Variants in TERB1 observed in about 807,000 individuals in gnomAD.
The protein encoded by TERB1 is telomere repeat binding bouquet formation protein 1, also known as telomere repeats-binding bouquet formation protein 1.
TERB1 carries 63 observed loss-of-function variants against 92.3 expected under a neutral mutation model. The ratio of observed to expected loss-of-function variants is 0.68; its 90% CI spans 0.56 to 0.84. The LOEUF is 0.84. Among genes scored for constraint, TERB1 ranks in the 40% least tolerant of loss-of-function variants. TERB1 has a pLI of 0.00. For synonymous variants in TERB1, 252 were observed against 283.9 expected (o/e 0.89, Z 1.13); for missense variants, 709 against 843.7 (o/e 0.84, Z 1.98).
rs2018591931 is a variant in TERB1 at position 66,778,918 on chromosome 16, A to C, written c.798T>G (p.Ser266Arg). The C allele has an allele frequency of 2.0e-6, 3 of 1,534,760 alleles. No homozygotes were observed. Among genetic ancestry groups the C allele is most frequent in the East Asian group, 2.5e-5 (1 of 40,408 alleles). ...TCGTCACAACCACTGCAAGTTTAGC[A>C]CTGGAAAGAGTCTCATGTGAATCAG... ...LESDSHETLS[S>R]AKLAVVVTKT... Residue 266 changes from serine to arginine, a missense_variant, in exon 10 of 19, where the codon AGT (serine) becomes AGG (arginine). Coordinates refer to ENST00000433154, the MANE Select transcript of TERB1 (RefSeq NM_001136505.2).
chr16:66,761,451 CAA>C (rs376145995), intron 16 of TERB1, among the ~76,000 whole-genome samples: 30 of 107,150 alleles, frequency 2.8e-4, no homozygotes, highest in African/African-American at 1.1e-3. Context: ...GACTCTGTCT[CAA>C]AAAAAAAAAA....
intron 9 of TERB1, among the ~76,000 whole-genome samples, chr16:66,780,445 C>T (rs1002658308): frequency 1.4e-4 from 22 of 151,782 alleles, no homozygotes; most frequent in Non-Finnish European, 1.6e-4. Flanking sequence ...TGGTGTGTGC[C>T]TGTAGTCCCA....
intron 13 of TERB1, 85 bp from the exon 14 acceptor site, chr16:66,770,394 G>T: frequency 1.1e-6 from 1 of 936,482 alleles, no homozygotes; most frequent in Non-Finnish European, 1.6e-6. Context: ...AATGAAGAAT[G>T]AAGAAAAAGT....
At chr16:66,788,603 A>AG (rs1374598131) in intron 5 of TERB1, among the ~76,000 whole-genome samples, 1 of 151,906 alleles carries the variant, frequency 6.6e-6, no homozygotes, top group Non-Finnish European at 1.5e-5. Context: ...AAAAAAAAAA[A>AG]CACTTTAAAG....
rs1200261665 is a variant in TERB1 at position 66,788,200 on chromosome 16, A to C, written c.369T>G (p.Val123=). 33 of 1,501,252 alleles carry C rather than the reference A, an allele frequency of 2.2e-5. No individual in the cohort carries two copies. Among genetic ancestry groups the C allele is most frequent in the Non-Finnish European group, 2.9e-5 (32 of 1,122,614 alleles). The allele number at this position is 1,501,252 out of a possible 1,614,324, so 93.0% of individuals were successfully genotyped here. Residue 123 remains valine, a synonymous_variant, in exon 6 of 19, where the codon GTT becomes GTG. Coordinates refer to ENST00000433154, the MANE Select transcript of TERB1 (RefSeq NM_001136505.2). ...TTGAAACCAGAACCAAAATAACATA[A>C]ACAGACATTCTTTTCAAATTTATGT... is the stretch of plus-strand genomic sequence containing the variant. ...DSNINLKRMS[V]YVILVLVSNN...
intron 12 of TERB1, among the ~76,000 whole-genome samples, chr16:66,774,156 C>T (rs2018501547): frequency 6.9e-6 from 1 of 145,072 alleles, no homozygotes; most frequent in African/African-American, 2.6e-5. Context: ...GCTGGGATTA[C>T]AGGCGTGAGC....
chr16:66,801,886 C>G (rs976840836), upstream of TERB1, among the ~76,000 whole-genome samples: 1 of 152,228 alleles, frequency 6.6e-6, no homozygotes, highest in Non-Finnish European at 1.5e-5. Flanking sequence ...CACAGGACGG[C>G]GAAGCCCCAA....
At position 66,755,098 on chromosome 16, in the gene TERB1, T is replaced by C. The variant is rs922840334; in HGVS notation, c.2062A>G (p.Lys688Glu). ...ATTGAATTCCAGTGATTTCCCATTT[T>C]CTTAACTCCATTGAAAAGGTAATTT... ...EVNYLFNGVK[K>E]MGNHWNSILW... Residue 688 changes from lysine (K) to glutamate (E), a missense_variant, in exon 19 of 19, where the codon AAA (lysine) becomes GAA (glutamate). Physicochemically the swap from Lys to Glu is moderately conservative, Grantham distance 56. Coordinates refer to ENST00000433154, the MANE Select transcript of TERB1 (RefSeq NM_001136505.2). 3.9e-6 allele frequency: 6 copies of C among 1,551,228 alleles called. No homozygotes were observed. The Admixed American group carries it at 5.9e-5, about 15-fold the overall frequency.
At chr16:66,789,856 CACACTA>C (rs1482769948) in intron 5 of TERB1, among the ~76,000 whole-genome samples, 19 of 151,770 alleles carry the variant, frequency 1.3e-4, no homozygotes, top group African/African-American at 4.1e-4. Context: ...ACCACAGGTG[CACACTA>C]CCATGCCTGG....
chr16:66,755,076 G>C lies in TERB1; in HGVS notation c.2084C>G (p.Ser695Ter), dbSNP rs1397771142. 1.3e-6 allele frequency: 2 copies of C among 1,551,326 alleles called. No individual in the cohort carries two copies. The highest frequency in any genetic ancestry group is 2.0e-5 in the Admixed American group (1 of 50,982). Residue 695 changes from serine to a stop codon, truncating the protein, a stop_gained, in exon 19 of 19, where the codon TCA becomes TGA. Transcript: ENST00000433154. LOFTEE classifies it high-confidence loss of function. ...CTGAAAGGGGAAAGACCACAAAATT[G>C]AATTCCAGTGATTTCCCATTTTCTT... ...GVKKMGNHWN[S>*]ILWSFPFQQG...
rs1655088061 is a variant in TERB1, at chr16:66,778,955, A to G, written c.761T>C (p.Met254Thr). The G allele has an allele frequency of 2.0e-6, 3 of 1,536,528 alleles. No homozygotes were observed. The highest frequency in any genetic ancestry group is 1.8e-6 in the Non-Finnish European group (2 of 1,134,854). ...GGLDVLSQVL[M>T]QLESDSHETL... ...CTCATGTGAATCAGATTCCAGCTGC[A>G]TGAGAACTTGAGACAATACATCCAG... Residue 254 changes from methionine to threonine, a missense_variant, in exon 10 of 19, where the codon ATG becomes ACG. Transcript: ENST00000433154.
chr16:66,774,074 G>A (rs2018499187), intron 12 of TERB1, among the ~76,000 whole-genome samples: 1 of 150,660 alleles, frequency 6.6e-6, no homozygotes, highest in Non-Finnish European at 1.5e-5. Context: ...GTACAGACAG[G>A]GTTTCACCAT....
At chr16:66,780,964 T>A (rs1181155200) in intron 9 of TERB1, among the ~76,000 whole-genome samples, 2 of 111,296 alleles carry the variant, frequency 1.8e-5, no homozygotes, top group Non-Finnish European at 3.6e-5. Context: ...ATATTTAACA[T>A]GACCACTTTT....
Position 66,786,111 on chromosome 16 carries a change from A to G in TERB1, c.480T>C (p.His160=). The change falls in exon 8 of 19, where the codon CAT becomes CAC. Residue 160 remains histidine (H), a synonymous_variant. Coordinates refer to ENST00000433154, the MANE Select transcript of TERB1 (RefSeq NM_001136505.2). ...SRLFRTVISK[H]ELDLSDKNVF... ...CATTTTTATCTGACAAATCCAACTC[A>G]TGTTTTGAAATAACTGTCCTATTAG... The G allele has an allele frequency of 6.5e-7, 1 of 1,549,998 alleles. No individual in the cohort carries two copies. The highest frequency in any genetic ancestry group is 8.7e-7 in the Non-Finnish European group (1 of 1,145,594).
chr16:66,785,120 C>T (rs925330388), intron 9 of TERB1, among the ~76,000 whole-genome samples: 2 of 149,894 alleles, frequency 1.3e-5, no homozygotes, highest in African/African-American at 4.9e-5. Context: ...CCTGGGCTCA[C>T]GCGATTCTCC....
intron 6 of TERB1, 92 bp downstream of exon 6, chr16:66,788,077 C>T (rs1484383238): frequency 9.3e-7 from 1 of 1,077,228 alleles, no homozygotes; most frequent in African/African-American, 1.7e-5. Context: ...CACAAAAAAA[C>T]AAAACTGATA....
chr16:66,758,726 G>C, intron 18 of TERB1, 47 bp downstream of exon 18: 1 of 1,199,544 alleles, frequency 8.3e-7, no homozygotes, highest in Non-Finnish European at 1.2e-6. Context: ...GGGTAACAGA[G>C]CCAGACCCTG....
intron 16 of TERB1, among the ~76,000 whole-genome samples, chr16:66,761,945 C>T (rs1022797579): frequency 1.3e-5 from 2 of 151,860 alleles, no homozygotes; most frequent in South Asian, 2.1e-4. Context: ...CCCAGCTACT[C>T]GGGAGGCTGC....
intron 3 of TERB1, among the ~76,000 whole-genome samples, chr16:66,793,210 G>A (rs985359691): frequency 1.5e-5 from 2 of 136,222 alleles, no homozygotes; most frequent in Non-Finnish European, 1.5e-5. Flanking sequence ...TTTGTGGTTT[G>A]GTTTTTTTTT....
Sources: allele counts gnomAD v4.1 joint callset (sites outside exome capture counted in the v4.1 genomes callset), GRCh38; gene constraint gnomAD v4.1.1; transcripts MANE v1.5; gene names NCBI Gene and HGNC (gene_info 2026-07-23, HGNC 2026-07-21).